MTUS2: variants seen among roughly 807,000 people sequenced by gnomAD.
MTUS2 encodes microtubule associated scaffold protein 2.
Under a neutral mutation model 114.1 loss-of-function variants are expected in MTUS2, and 40 were observed. The ratio of observed to expected loss-of-function variants is 0.35; its 90% CI spans 0.27 to 0.46. The LOEUF (loss-of-function observed/expected upper bound fraction) is 0.46, where lower values mean the gene tolerates loss of function less well. Among genes scored for constraint, MTUS2 ranks in the 20% least tolerant of loss-of-function variants. The pLI is 1.00. For missense variants in MTUS2, 1,679 were observed against 1,705.4 expected (o/e 0.98, Z 0.27); for synonymous variants, 688 against 672.0 (o/e 1.02, Z -0.37).
chr13:29,057,823 G>C (rs1239605359), intron 4 of MTUS2, among the ~76,000 whole-genome samples: 1 of 151,974 alleles, frequency 6.6e-6, no homozygotes, highest in Non-Finnish European at 1.5e-5. Flanking sequence ...TTATGTACAG[G>C]TTTGATCCTG....
chr13:29,467,765 G>A (rs551903546), intron 9 of MTUS2, among the ~76,000 whole-genome samples: 8 of 151,874 alleles, frequency 5.3e-5, no homozygotes, highest in Non-Finnish European at 8.8e-5. Context: ...AATTATATTC[G>A]CACACAGGAT....
intron 2 of MTUS2, among the ~76,000 whole-genome samples, chr13:28,874,346 A>G (rs531672717): frequency 1.2e-3 from 182 of 152,294 alleles, no homozygotes; most frequent in Non-Finnish European, 2.2e-3. Context: ...TATTCAATTT[A>G]TTTAATTCAG....
intron 2 of MTUS2, among the ~76,000 whole-genome samples, chr13:28,948,844 T>C (rs1882668070): frequency 6.6e-6 from 1 of 152,176 alleles, no homozygotes; most frequent in African/African-American, 2.4e-5. Context: ...CCCGGTCTTA[T>C]AAACTCAGTT....
At chr13:28,963,358 AAAAAC>A (rs902105353) in intron 2 of MTUS2, among the ~76,000 whole-genome samples, 4 of 152,344 alleles carry the variant, frequency 2.6e-5, no homozygotes, top group Non-Finnish European at 4.4e-5. Flanking sequence ...CTCAAAAAAC[AAAAAC>A]AAAACAAAAC....
At chr13:29,060,147 G>A (rs1003933916) in intron 4 of MTUS2, among the ~76,000 whole-genome samples, 3 of 152,230 alleles carry the variant, frequency 2.0e-5, no homozygotes, top group Admixed American at 2.0e-4. Flanking sequence ...CAGTCTTACT[G>A]CTCCCAAGCA....
intron 8 of MTUS2, among the ~76,000 whole-genome samples, chr13:29,424,100 C>T (rs1389803825): frequency 6.6e-6 from 1 of 151,242 alleles, no homozygotes; most frequent in African/African-American, 2.4e-5. Context: ...CTCCTGACCT[C>T]AAAGTGATCT....
chr13:29,360,695 C>G (rs12323284), intron 8 of MTUS2, among the ~76,000 whole-genome samples: 13 of 139,942 alleles, frequency 9.3e-5, no homozygotes, highest in South Asian at 2.7e-4. Flanking sequence ...AACACCCCCC[C>G]CCCCCCGTAA....
intron 4 of MTUS2, among the ~76,000 whole-genome samples, chr13:29,070,628 G>A (rs1171384965): frequency 6.6e-6 from 1 of 152,018 alleles, no homozygotes; most frequent in Non-Finnish European, 1.5e-5. Flanking sequence ...TCGTGAGAAT[G>A]TGTGTCAGAG....
intron 2 of MTUS2, among the ~76,000 whole-genome samples, chr13:28,848,340 C>A (rs1239241139): frequency 6.6e-6 from 1 of 152,166 alleles, no homozygotes; most frequent in Non-Finnish European, 1.5e-5. Context: ...CCTTCCTAAG[C>A]CACTCATGGT....
intron 5 of MTUS2, among the ~76,000 whole-genome samples, chr13:29,267,226 A>G (rs1461706397): frequency 3.3e-5 from 5 of 152,214 alleles, no homozygotes; most frequent in Non-Finnish European, 7.3e-5. Context: ...CTTTGTTTCT[A>G]GGTTTCTATA....
intron 5 of MTUS2, among the ~76,000 whole-genome samples, chr13:29,109,011 TA>T: frequency 6.6e-6 from 1 of 152,370 alleles, no homozygotes; most frequent in South Asian, 2.1e-4. Flanking sequence ...TTCATTGTAC[TA>T]CTTCACTTGT....
At chr13:29,017,661 C>T (rs1566295117) in intron 2 of MTUS2, among the ~76,000 whole-genome samples, 1 of 151,072 alleles carries the variant, frequency 6.6e-6, no homozygotes, top group Non-Finnish European at 1.5e-5. Flanking sequence ...ACCAGTTGCT[C>T]AGTTGGGAAG....
chr13:29,438,946 G>A (rs1315681174), intron 8 of MTUS2, among the ~76,000 whole-genome samples: 1 of 152,142 alleles, frequency 6.6e-6, no homozygotes, highest in Non-Finnish European at 1.5e-5. Context: ...AATATTGTGA[G>A]AACTGTCTGG....
At chr13:29,177,859 CTG>C in intron 5 of MTUS2, among the ~76,000 whole-genome samples, 1 of 152,146 alleles carries the variant, frequency 6.6e-6, no homozygotes, top group Non-Finnish European at 1.5e-5. Flanking sequence ...ATGAAGGAAT[CTG>C]GAGTCAAGGA....
At chr13:28,981,598 AG>A in intron 2 of MTUS2, among the ~76,000 whole-genome samples, 1 of 152,344 alleles carries the variant, frequency 6.6e-6, no homozygotes, top group African/African-American at 2.4e-5. Flanking sequence ...GATGGAAAAA[AG>A]TAGAGTTCCC....
At chr13:29,464,631 C>T (rs1386642102) in intron 9 of MTUS2, among the ~76,000 whole-genome samples, 1 of 152,188 alleles carries the variant, frequency 6.6e-6, no homozygotes, top group Non-Finnish European at 1.5e-5. Flanking sequence ...AGCAGCGTTA[C>T]TATACCTGGG....
intron 6 of MTUS2, among the ~76,000 whole-genome samples, chr13:29,311,357 T>C (rs1034785353): frequency 2.6e-5 from 4 of 152,334 alleles, no homozygotes; most frequent in South Asian, 4.1e-4. Flanking sequence ...GATGTTTGTT[T>C]TATAATTATG....
chr13:29,436,361 C>T (rs1001142407), intron 8 of MTUS2, among the ~76,000 whole-genome samples: 2 of 152,134 alleles, frequency 1.3e-5, no homozygotes, highest in Non-Finnish European at 2.9e-5. Flanking sequence ...TCCCAGTTTC[C>T]TCCTCCATAA....
intron 2 of MTUS2, among the ~76,000 whole-genome samples, chr13:28,980,805 G>T (rs1038432900): frequency 1.3e-5 from 2 of 152,064 alleles, no homozygotes; most frequent in African/African-American, 4.8e-5. Flanking sequence ...ACAGAATTTT[G>T]CTTTCTCACC....
Sources: gnomAD v4.1 joint callset for allele counts (sites outside exome capture counted in the v4.1 genomes callset) on GRCh38, gnomAD v4.1.1 for gene constraint, MANE v1.5 for transcripts, NCBI Gene and HGNC (gene_info 2026-07-23, HGNC 2026-07-21) for gene names.